Variants in SDCCAG8 observed in about 807,000 individuals in gnomAD.
The protein encoded by SDCCAG8 is serologically defined colon cancer antigen 8.
In SDCCAG8, 74 loss-of-function variants were observed where a neutral mutation model predicts 101.8. The ratio of observed to expected loss-of-function variants is 0.73; its 90% CI spans 0.60 to 0.88. The LOEUF is 0.88. SDCCAG8 is among the 40% of genes least tolerant of loss of function. SDCCAG8 has a pLI of 0.00. For missense variants in SDCCAG8, 787 were observed against 822.6 expected (o/e 0.96, Z 0.53); for synonymous variants, 281 against 292.9 (o/e 0.96, Z 0.41).
intron 12 of SDCCAG8, among the ~76,000 whole-genome samples, chr1:243,356,408 G>A (rs1203596653): frequency 4.3e-5 from 2 of 46,842 alleles, no homozygotes; most frequent in East Asian, 8.9e-4. Context: ...GAAGAGAAAA[G>A]AAAAGTAGTG....
At chr1:243,281,134 A>G in intron 4 of SDCCAG8, among the ~76,000 whole-genome samples, 1 of 152,038 alleles carries the variant, frequency 6.6e-6, no homozygotes, top group African/African-American at 2.4e-5. Flanking sequence ...GTACCTCTTT[A>G]TCTCTGATCA....
At chr1:243,433,356 GAAAAAAA>G (rs914707825) in intron 16 of SDCCAG8, among the ~76,000 whole-genome samples, 12 of 64,980 alleles carry the variant, frequency 1.8e-4, no homozygotes, top group Non-Finnish European at 2.7e-4. Context: ...CGTCTCAAAA[GAAAAAAA>G]AAAAAAAAAA....
At chr1:243,452,014 TTC>T (rs2083391715) in intron 16 of SDCCAG8, among the ~76,000 whole-genome samples, 1 of 152,196 alleles carries the variant, frequency 6.6e-6, no homozygotes, top group Non-Finnish European at 1.5e-5. Context: ...TAAAAAACCC[TTC>T]CATCAAAGGC....
At chr1:243,405,088 A>G (rs1027434699) in intron 13 of SDCCAG8, among the ~76,000 whole-genome samples, 12 of 151,722 alleles carry the variant, frequency 7.9e-5, no homozygotes, top group Non-Finnish European at 1.8e-4. Flanking sequence ...CTGGTCTGGA[A>G]CTCCTGATCT....
At chr1:243,492,218 A>G (rs1666616454) in intron 17 of SDCCAG8, among the ~76,000 whole-genome samples, 1 of 141,050 alleles carries the variant, frequency 7.1e-6, no homozygotes, top group Non-Finnish European at 1.5e-5. Context: ...GAGAACCCCC[A>G]TCCTCCCCGC....
chr1:243,290,838 G>A (rs74875079), intron 5 of SDCCAG8, among the ~76,000 whole-genome samples: 6,737 of 152,200 alleles, frequency 0.044, 294 homozygotes, highest in African/African-American at 0.12. Flanking sequence ...TTTTGGCAGA[G>A]GCCCCTGTGC....
chr1:243,337,661 T>C (rs1039451109), intron 10 of SDCCAG8, among the ~76,000 whole-genome samples: 5 of 152,224 alleles, frequency 3.3e-5, no homozygotes, highest in African/African-American at 1.2e-4. Flanking sequence ...AGATAATGTT[T>C]AGAAAATATC....
chr1:243,359,858 G>A (rs1405486187), intron 12 of SDCCAG8, among the ~76,000 whole-genome samples: 1 of 152,134 alleles, frequency 6.6e-6, no homozygotes, highest in Non-Finnish European at 1.5e-5. Flanking sequence ...TATGTCTGAT[G>A]GAAAGTTTTA....
At chr1:243,342,086 T>A (rs938871371) in intron 11 of SDCCAG8, among the ~76,000 whole-genome samples, 2 of 152,204 alleles carry the variant, frequency 1.3e-5, no homozygotes, top group African/African-American at 4.8e-5. Context: ...CATTTGCTTT[T>A]AAAAATTCCT....
At chr1:243,419,223 G>T (rs1195846170) in intron 15 of SDCCAG8, among the ~76,000 whole-genome samples, 1 of 151,860 alleles carries the variant, frequency 6.6e-6, no homozygotes. Context: ...CCTTCCTAGC[G>T]TATACTAAGA....
intron 16 of SDCCAG8, among the ~76,000 whole-genome samples, chr1:243,468,143 A>G (rs1660510111): frequency 6.6e-6 from 1 of 151,986 alleles, no homozygotes; most frequent in Admixed American, 6.6e-5. Context: ...TAGGCAAGAT[A>G]TTGTAGCATC....
At chr1:243,303,131 A>G (rs2071707031) in intron 6 of SDCCAG8, among the ~76,000 whole-genome samples, 1 of 152,200 alleles carries the variant, frequency 6.6e-6, no homozygotes, top group African/African-American at 2.4e-5. Context: ...AAAGGACTTA[A>G]CAGAAGATGA....
intron 17 of SDCCAG8, among the ~76,000 whole-genome samples, chr1:243,496,302 C>T (rs1030493339): frequency 3.9e-5 from 6 of 152,146 alleles, no homozygotes; most frequent in African/African-American, 7.2e-5. Context: ...GAACAGCTGC[C>T]GAGCCCTGGC....
At chr1:243,405,512 A>G (rs1188741367) in intron 13 of SDCCAG8, among the ~76,000 whole-genome samples, 4 of 152,228 alleles carry the variant, frequency 2.6e-5, no homozygotes, top group Non-Finnish European at 5.9e-5. Context: ...AGATCTGGCA[A>G]TGAGCAACGA....
intron 12 of SDCCAG8, among the ~76,000 whole-genome samples, chr1:243,346,807 A>G (rs2075738282): frequency 1.3e-5 from 2 of 152,218 alleles, no homozygotes; most frequent in African/African-American, 2.4e-5. Flanking sequence ...TTTGGTATGG[A>G]GGAGAATGTG....
chr1:243,421,372 C>T (rs1481579421), intron 15 of SDCCAG8, among the ~76,000 whole-genome samples: 2 of 152,178 alleles, frequency 1.3e-5, no homozygotes, highest in Non-Finnish European at 2.9e-5. Context: ...TGCACGTACG[C>T]CCTTACTCTC....
intron 16 of SDCCAG8, among the ~76,000 whole-genome samples, chr1:243,472,917 C>A (rs564987638): frequency 1.1e-4 from 16 of 152,306 alleles, no homozygotes; most frequent in African/African-American, 3.8e-4. Context: ...TAAATGTCCA[C>A]CAGAAATTTC....
intron 15 of SDCCAG8, among the ~76,000 whole-genome samples, chr1:243,425,418 A>G (rs1218802531): frequency 1.3e-5 from 2 of 152,134 alleles, no homozygotes; most frequent in African/African-American, 4.8e-5. Context: ...GGTCCTTGGG[A>G]TGAACAATTT....
chr1:243,470,520 G>A (rs1027384320), intron 16 of SDCCAG8, among the ~76,000 whole-genome samples: 3 of 149,998 alleles, frequency 2.0e-5, no homozygotes, highest in Admixed American at 1.3e-4. Context: ...TGTCTCACTG[G>A]GGGCTGGATT....
Sources: allele counts gnomAD v4.1 joint callset (sites outside exome capture counted in the v4.1 genomes callset), GRCh38; gene constraint gnomAD v4.1.1; transcripts MANE v1.5; gene names NCBI Gene and HGNC (gene_info 2026-07-23, HGNC 2026-07-21).